The following UPRT variants were observed in gnomAD, a reference collection of about 807,000 sequenced individuals.
The protein encoded by UPRT is RP11-311P8.3.
A neutral mutation model predicts 22.6 loss-of-function variants in UPRT; 5 were observed. The ratio of observed to expected loss-of-function variants is 0.22; its 90% CI spans 0.12 to 0.47. The LOEUF (loss-of-function observed/expected upper bound fraction) is 0.47, where lower values mean the gene tolerates loss of function less well. UPRT is among the 20% of genes least tolerant of loss of function. UPRT has a pLI of 0.99. For missense variants in UPRT, 181 were observed against 239.9 expected (o/e 0.75, Z 1.62); for synonymous variants, 77 against 87.7 (o/e 0.88, Z 0.68).
chrX:75,166,991 G>A (rs979356651), intron 3 of UPRT, among the ~76,000 whole-genome samples: 2 of 111,525 alleles, frequency 1.8e-5, no homozygotes, highest in African/African-American at 3.3e-5. Context: ...CATGAATAAC[G>A]CTGCTATAAA....
intron 4 of UPRT, among the ~76,000 whole-genome samples, chrX:75,186,198 T>C (rs1280975801): frequency 1.8e-5 from 2 of 111,211 alleles, no homozygotes; most frequent in African/African-American, 6.6e-5. Context: ...TTTGAATGCG[T>C]CCCAGAGATT....
intron 1 of UPRT, among the ~76,000 whole-genome samples, chrX:75,292,192 G>A (rs2082710693): frequency 9.0e-6 from 1 of 111,497 alleles, no homozygotes; most frequent in Non-Finnish European, 1.9e-5. Flanking sequence ...CAGAGCAGTA[G>A]GTTTCAGTAT....
At chrX:75,265,042 G>A (rs1321296061) in intron 4 of UPRT, among the ~76,000 whole-genome samples, 3 of 112,142 alleles carry the variant, frequency 2.7e-5, no homozygotes, top group African/African-American at 9.7e-5. Context: ...TTTCTGCCAA[G>A]AGATCAGCTG....
intron 4 of UPRT, among the ~76,000 whole-genome samples, chrX:75,211,455 C>T (rs1202063900): frequency 3.6e-5 from 4 of 110,785 alleles, no homozygotes; most frequent in Non-Finnish European, 5.7e-5. Context: ...GAGAGGAATT[C>T]GGAAAGGAGG....
At chrX:75,175,881 C>T (rs1028083298) in intron 4 of UPRT, among the ~76,000 whole-genome samples, 4 of 111,247 alleles carry the variant, frequency 3.6e-5, no homozygotes, top group Non-Finnish European at 3.8e-5. Flanking sequence ...TGGGCCTGTT[C>T]TTCTTGGTCC....
intron 4 of UPRT, among the ~76,000 whole-genome samples, chrX:75,173,070 G>C (rs2082233676): frequency 9.0e-6 from 1 of 111,390 alleles, no homozygotes; most frequent in African/African-American, 3.3e-5. Flanking sequence ...TACAATCTCT[G>C]AGCTAGATAC....
intron 6 of UPRT, among the ~76,000 whole-genome samples, chrX:75,302,629 TC>T (rs2082748271): frequency 9.0e-6 from 1 of 111,712 alleles, no homozygotes; most frequent in African/African-American, 3.3e-5. Context: ...ATATATTACA[TC>T]CTTTGAATAT....
intron 4 of UPRT, among the ~76,000 whole-genome samples, chrX:75,248,672 A>C (rs1028508276): frequency 4.5e-5 from 5 of 111,920 alleles, no homozygotes; most frequent in African/African-American, 1.6e-4. Flanking sequence ...CAATCTAGCA[A>C]AGCAGGCCAA....
At chrX:75,181,778 A>G (rs2082271158) in intron 4 of UPRT, among the ~76,000 whole-genome samples, 1 of 111,834 alleles carries the variant, frequency 8.9e-6, no homozygotes, top group African/African-American at 3.2e-5. Context: ...ATATAGTAAC[A>G]TATCATCTGC....
chrX:75,200,645 T>G (rs920484190), intron 4 of UPRT, among the ~76,000 whole-genome samples: 12 of 111,290 alleles, frequency 1.1e-4, no homozygotes, highest in Admixed American at 1.0e-3. Flanking sequence ...CATTCTTTTT[T>G]TTTTCTTCCA....
At chrX:75,177,085 T>C (rs1260359637) in intron 4 of UPRT, among the ~76,000 whole-genome samples, 1 of 111,056 alleles carries the variant, frequency 9.0e-6, no homozygotes, top group Admixed American at 9.5e-5. Flanking sequence ...ATTTTGTTTC[T>C]CTCCCTGCCC....
chrX:75,229,035 A>G (rs751650600), intron 4 of UPRT, among the ~76,000 whole-genome samples: 6 of 111,962 alleles, frequency 5.4e-5, no homozygotes, highest in Non-Finnish European at 1.1e-4. Context: ...TGTTGGTAAA[A>G]GCGTGCAAAC....
chrX:75,264,909 G>A (rs1165854547), intron 4 of UPRT, among the ~76,000 whole-genome samples: 2 of 111,774 alleles, frequency 1.8e-5, no homozygotes, highest in African/African-American at 6.5e-5. Context: ...TTGCCTGTCT[G>A]TAAAGGATTT....
chrX:75,218,129 A>G (rs1264315465), intron 4 of UPRT, among the ~76,000 whole-genome samples: 1 of 112,077 alleles, frequency 8.9e-6, no homozygotes, highest in African/African-American at 3.2e-5. Flanking sequence ...AATTTTCACA[A>G]CCTACTCATC....
chrX:75,247,783 G>T (rs2082512149), intron 4 of UPRT, among the ~76,000 whole-genome samples: 1 of 112,065 alleles, frequency 8.9e-6, no homozygotes, highest in East Asian at 2.8e-4. Flanking sequence ...TCCTCAAGTG[G>T]GTCTCTGACC....
At chrX:75,179,532 T>C (rs2082261951) in intron 4 of UPRT, among the ~76,000 whole-genome samples, 1 of 113,116 alleles carries the variant, frequency 8.8e-6, no homozygotes, top group African/African-American at 3.2e-5. Context: ...AGCCCTTCCT[T>C]GGGTGGTCGA....
At chrX:75,210,951 A>G (rs1345561203) in intron 4 of UPRT, among the ~76,000 whole-genome samples, 1 of 111,470 alleles carries the variant, frequency 9.0e-6, no homozygotes, top group Non-Finnish European at 1.9e-5. Context: ...GCTAGGCAAT[A>G]TAAGAGAGGA....
chrX:75,253,466 T>G (rs1407340595), intron 4 of UPRT, among the ~76,000 whole-genome samples: 1 of 112,187 alleles, frequency 8.9e-6, no homozygotes, highest in Admixed American at 9.4e-5. Context: ...TAAGTGGAAG[T>G]GTAAAGTAGT....
At chrX:75,191,116 C>T (rs1300728235) in intron 4 of UPRT, among the ~76,000 whole-genome samples, 2 of 111,595 alleles carry the variant, frequency 1.8e-5, no homozygotes, top group African/African-American at 6.5e-5. Flanking sequence ...GTTTTATCTA[C>T]CTTTGATCTT....
Sources: allele counts gnomAD v4.1 joint callset (sites outside exome capture counted in the v4.1 genomes callset), GRCh38; gene constraint gnomAD v4.1.1; transcripts MANE v1.5; gene names NCBI Gene and HGNC (gene_info 2026-07-23, HGNC 2026-07-21).